Variants in IGLON5 observed in about 807,000 individuals in gnomAD.
The protein encoded by IGLON5 is Ig-like domain-containing protein ENSP00000270642.
In IGLON5, 16 loss-of-function variants were observed where a neutral mutation model predicts 38.2. The ratio of observed to expected loss-of-function variants is 0.42; its 90% CI spans 0.28 to 0.64. The LOEUF is 0.64. IGLON5 is among the 30% of genes least tolerant of loss of function. The probability of loss-of-function intolerance (pLI) is 0.23; values close to 1 mark genes in which losing one functional copy is unlikely to be tolerated. For synonymous variants in IGLON5, 207 were observed against 216.4 expected (o/e 0.96, Z 0.38); for missense variants, 366 against 483.4 (o/e 0.76, Z 2.28).
Position 51,329,689 on chromosome 19 carries a change from G to A in IGLON5, c.*930G>A, listed in dbSNP as rs1045603483. The A allele has an allele frequency of 6.6e-6, 1 of 152,462 alleles. No individual in the cohort carries two copies. The highest frequency in any genetic ancestry group is 2.4e-5 in the African/African-American group (1 of 41,424). 9.4% of individuals were successfully genotyped at this position (152,462 alleles called of 1,614,324 possible). ...CCTGCGGCACCAGCCAGCTGCCCTT[G>A]GGGCCTTTGCAGCTGGCCCACAGGT... On this transcript the variant is annotated 3_prime_UTR_variant, in exon 8 of 8. Coordinates refer to ENST00000270642, the MANE Select transcript of IGLON5 (RefSeq NM_001101372.3). The surrounding 1 kb of genome is among the most constrained non-coding windows in gnomAD (Gnocchi z 4.3).
rs1985171546 is a variant in IGLON5 at position 51,324,749 on chromosome 19, C to A, written c.392-597C>A. Among the ~76,000 whole-genome samples the A allele has an allele frequency of 2.0e-5, 3 of 151,418 alleles. No homozygotes were observed. The highest frequency in any genetic ancestry group is 7.3e-5 in the African/African-American group (3 of 41,180). The stretch of plus-strand genomic sequence containing the variant: ...AAAAACACTGCCAGCGATACCCTGG[C>A]ATCCTATCTCGAGGGCCATCCTGCT... On this transcript the variant is annotated intron_variant, in intron 3 of 7. Coordinates refer to ENST00000270642, the MANE Select transcript of IGLON5 (RefSeq NM_001101372.3). The surrounding 1 kb of genome is among the most constrained non-coding windows in gnomAD (Gnocchi z 4.2).
At chr19:51,319,300 TGTGC>T (rs1984998399) in intron 1 of IGLON5, among the ~76,000 whole-genome samples, 1 of 95,112 alleles carries the variant, frequency 1.1e-5, no homozygotes. Flanking sequence ...TCCCTGTGTG[TGTGC>T]GTGTGTGTGT....
Position 51,326,831 on chromosome 19 carries a change from T to C in IGLON5, c.579T>C (p.Tyr193=). 1 of 1,553,938 alleles carries C rather than the reference T, an allele frequency of 6.4e-7. No individual in the cohort carries two copies. Among genetic ancestry groups the C allele is most frequent in the Non-Finnish European group, 8.7e-7 (1 of 1,148,764 alleles). Residue 193 remains tyrosine (Y), a synonymous_variant, in exon 5 of 8, where the codon TAT becomes TAC. Transcript: ENST00000270642. ...SDIQRGQAGE[Y]ECVTHNGVNS... is the part of the protein sequence containing the mutation. ...TCCAGCGGGGCCAGGCCGGGGAGTA[T>C]GAGTGCGTGACTCACAACGGGGTTA...
intron 2 of IGLON5, among the ~76,000 whole-genome samples, chr19:51,322,509 G>C (rs891970022): frequency 4.0e-5 from 6 of 150,844 alleles, no homozygotes; most frequent in Non-Finnish European, 7.4e-5. Flanking sequence ...AGAGGGACAG[G>C]GTTGCTGTTT....
At position 51,327,014 on chromosome 19, in the gene IGLON5, G is replaced by A. The variant is rs1358030138; in HGVS notation, c.647-66G>A. On this transcript the variant is annotated intron_variant, in intron 5 of 7. Coordinates refer to ENST00000270642, the MANE Select transcript of IGLON5 (RefSeq NM_001101372.3). The surrounding 1 kb of genome is among the most constrained non-coding windows in gnomAD (Gnocchi z 7.1). ...ACTTACGGGCCTGAGGGAGGCGGGG[G>A]CTGGGGGCGGGACCCCTTCGTCCCC... 26 of 1,596,168 alleles carry A rather than the reference G, an allele frequency of 1.6e-5. No homozygotes were observed. Among genetic ancestry groups the A allele is most frequent in the African/African-American group, 2.7e-5 (2 of 74,448 alleles).
In IGLON5 at chr19:51,324,102, G is replaced by C. The variant is rs1432268650; in HGVS notation, c.391+208G>C. Reference sequence around the variant, plus strand: ...CAACATGATTGCTTCTAGGGCAGGAGAGCTACAGGGATGAGGGGGTGCTTG... The same window carrying C: ...CAACATGATTGCTTCTAGGGCAGGACAGCTACAGGGATGAGGGGGTGCTTG... On this transcript the variant is annotated intron_variant, in intron 3 of 7. Coordinates refer to ENST00000270642, the MANE Select transcript of IGLON5 (RefSeq NM_001101372.3). The surrounding 1 kb of genome is among the most constrained non-coding windows in gnomAD (Gnocchi z 4.2). Among the ~76,000 whole-genome samples, 1 of 152,168 alleles carries C rather than the reference G, an allele frequency of 6.6e-6. No homozygotes were observed. The highest frequency in any genetic ancestry group is 2.4e-5 in the African/African-American group (1 of 41,416).
intron 2 of IGLON5, 64 bp from the exon 3 acceptor site, chr19:51,323,598 C>G: frequency 7.0e-7 from 1 of 1,423,692 alleles, no homozygotes; most frequent in Non-Finnish European, 9.6e-7. Context: ...CACCCACCCC[C>G]TCGGTGGGGG....
In IGLON5 at chr19:51,323,649, A is replaced by T; in HGVS notation, c.159-13A>T. The T allele has an allele frequency of 6.3e-7, 1 of 1,598,330 alleles. No homozygotes were observed. The highest frequency in any genetic ancestry group is 8.6e-7 in the Non-Finnish European group (1 of 1,168,048). On this transcript the variant is annotated splice_polypyrimidine_tract_variant and intron_variant, in intron 2 of 7. Coordinates refer to ENST00000270642, the MANE Select transcript of IGLON5 (RefSeq NM_001101372.3). Reference sequence around the variant, plus strand: ...TGGGTGGAGAAAAACCTTCCCACTCATTCTCCCTGCAGCTGCTTCATCGAC... The same window carrying T: ...TGGGTGGAGAAAAACCTTCCCACTCTTTCTCCCTGCAGCTGCTTCATCGAC...
chr19:51,323,624 T>C (rs1985134592), intron 2 of IGLON5, 38 bp from the exon 3 acceptor site: 1 of 1,553,670 alleles, frequency 6.4e-7, no homozygotes, highest in Non-Finnish European at 8.8e-7. Flanking sequence ...TCAGGCTGGG[T>C]GGGTGGAGAA....
intron 1 of IGLON5, among the ~76,000 whole-genome samples, chr19:51,313,052 CAG>C (rs570005712): frequency 2.4e-4 from 36 of 152,300 alleles, no homozygotes; most frequent in Middle Eastern, 3.4e-3. Context: ...CCAAGAGTCT[CAG>C]AGAGGCCGCC....
chr19:51,321,884 G>A (rs554685944), intron 1 of IGLON5, among the ~76,000 whole-genome samples, 180 bp from the exon 2 acceptor site: 34 of 152,382 alleles, frequency 2.2e-4, no homozygotes, highest in Non-Finnish European at 1.9e-4. Context: ...GTGTGGCAGC[G>A]GGTGCAGGAG....
At position 51,325,029 on chromosome 19, in the gene IGLON5, A is replaced by T. The variant is rs1055333314; in HGVS notation, c.392-317A>T. The stretch of plus-strand genomic sequence containing the variant: ...CCCAAGATGGAGAAACCAAGTTAGG[A>T]TGAAGGTGGAGAGAGAATAGAGACA... On this transcript the variant is annotated intron_variant, in intron 3 of 7. Transcript: ENST00000270642. This position sits in a 1 kb window ranked among gnomAD's most constrained non-coding sequence, Gnocchi z 5.5. Among the ~76,000 whole-genome samples, 1 of 152,096 alleles carries T rather than the reference A, an allele frequency of 6.6e-6. No individual in the cohort carries two copies. Among genetic ancestry groups the T allele is most frequent in the Non-Finnish European group, 1.5e-5 (1 of 68,034 alleles).
Position 51,329,403 on chromosome 19 carries a change from T to C in IGLON5, c.*644T>C, listed in dbSNP as rs1985296920. 6.6e-6 allele frequency: 1 copy of C among 152,244 alleles called. No homozygotes were observed. The highest frequency in any genetic ancestry group is 2.1e-4 in the South Asian group (1 of 4,834). The allele number at this position is 152,244 out of a possible 1,614,324, so 9.4% of individuals were successfully genotyped here. The stretch of plus-strand genomic sequence containing the variant: ...CTGTCAAGCTGTCATTCAGCCTTTG[T>C]GAGTAAGTGGGGGACCTCCATCTAG... On this transcript the variant is annotated 3_prime_UTR_variant, in exon 8 of 8. Transcript: ENST00000270642. This position sits in a 1 kb window ranked among gnomAD's most constrained non-coding sequence, Gnocchi z 4.3.
chr19:51,319,655 T>C (rs1348610191), intron 1 of IGLON5, among the ~76,000 whole-genome samples: 4 of 152,002 alleles, frequency 2.6e-5, no homozygotes, highest in Non-Finnish European at 5.9e-5. Flanking sequence ...CTATTGTATA[T>C]GATGGGGTGA....
rs1985173562 is a variant in IGLON5 at position 51,324,852 on chromosome 19, C to A, written c.392-494C>A. Among the ~76,000 whole-genome samples, 1 of 151,414 alleles carries A rather than the reference C, an allele frequency of 6.6e-6. No individual in the cohort carries two copies. The highest frequency in any genetic ancestry group is 6.6e-5 in the Admixed American group (1 of 15,174). On this transcript the variant is annotated intron_variant, in intron 3 of 7. Coordinates refer to ENST00000270642, the MANE Select transcript of IGLON5 (RefSeq NM_001101372.3). This position sits in a 1 kb window ranked among gnomAD's most constrained non-coding sequence, Gnocchi z 4.2. ...TTGATGAAATACAGTAACATCCACC[C>A]CAGAGGCTGGTAGTGAGCATCTAAT...
rs777145343 is a variant in IGLON5, at chr19:51,322,102, G to A, written c.118G>A (p.Asp40Asn). 2.3e-5 allele frequency: 37 copies of A among 1,613,196 alleles called. No homozygotes were observed. Among genetic ancestry groups the A allele is most frequent in the Admixed American group, 1.3e-4 (8 of 59,994 alleles). The change falls in exon 2 of 8, where the codon GAC (aspartate) becomes AAC (asparagine). Residue 40 changes from aspartate (D) to asparagine (N), a missense_variant. By Grantham distance (23) the Asp-to-Asn change is conservative. Transcript: ENST00000270642. ...GAGCCTGGAGTTCAACTCTCCTGCC[G>A]ACAACTACACAGTGTGTGAAGGTGA... ...SQSLEFNSPA[D>N]NYTVCEGDNA... is the part of the protein sequence containing the mutation.
At chr19:51,320,013 T>TTGTCCAAGCCTG (rs1212309762) in intron 1 of IGLON5, among the ~76,000 whole-genome samples, 11 of 147,960 alleles carry the variant, frequency 7.4e-5, no homozygotes, top group African/African-American at 2.8e-4. Context: ...TCTCCGTGCC[T>TTGTCCAAGCCTG]TGTCCAAGCC....
intron 1 of IGLON5, among the ~76,000 whole-genome samples, chr19:51,315,688 C>CTTTTTTTTTTTTTTTTTTTTTTTTT (rs756194855): frequency 3.6e-5 from 3 of 82,590 alleles, no homozygotes; most frequent in African/African-American, 1.4e-4. Context: ...GGAAGTCAAC[C>CTTTTTTTTTTTTTTTTTTTTTTTTT]TTTTTTTTTT....
At position 51,311,933 on chromosome 19, in the gene IGLON5, C is replaced by G. The variant is rs1207718026; in HGVS notation, c.79+7C>G. 4 of 1,322,762 alleles carry G rather than the reference C, an allele frequency of 3.0e-6. No homozygotes were observed. Among genetic ancestry groups the G allele is most frequent in the East Asian group, 6.4e-5 (2 of 31,198 alleles). The allele number at this position is 1,322,762 out of a possible 1,614,324, so 81.9% of individuals were successfully genotyped here. A position where few individuals can be genotyped will look rare whatever the true frequency, so the allele number is the denominator to read the frequency against. On this transcript the variant is annotated splice_region_variant and intron_variant, in intron 1 of 7. Transcript: ENST00000270642. ...TTGGCCGTCATCAGCCGAGGTACCG[C>G]AGCGCCGGGGGCGGGGGGCTCGGCC...
Sources: gnomAD v4.1 joint callset for allele counts (sites outside exome capture counted in the v4.1 genomes callset) on GRCh38, gnomAD v4.1.1 for gene constraint, Gnocchi (gnomAD v3.1) non-coding constraint, MANE v1.5 for transcripts, NCBI Gene and HGNC (gene_info 2026-07-23, HGNC 2026-07-21) for gene names.